Variants in IRAK1BP1 observed in about 807,000 individuals in gnomAD.
IRAK1BP1 encodes interleukin 1 receptor associated kinase 1 binding protein 1, also known as interleukin-1 receptor-associated kinase 1-binding protein 1.
Under a neutral mutation model 28.0 loss-of-function variants are expected in IRAK1BP1, and 24 were observed. That is an observed-to-expected ratio of 0.86 (90% confidence interval 0.62 to 1.20). The LOEUF is 1.20. Ranked by LOEUF, IRAK1BP1 falls within the 50% of genes most tolerant of loss-of-function variation. IRAK1BP1 has a pLI of 0.00. For missense variants in IRAK1BP1, 336 were observed against 316.7 expected, an observed-to-expected ratio of 1.06 and a Z score of -0.46; for synonymous variants, 131 against 116.3, an observed-to-expected ratio of 1.13 and a Z score of -0.81.
intron 1 of IRAK1BP1, among the ~76,000 whole-genome samples, chr6:78,878,242 C>A (rs1225138653): frequency 6.6e-6 from 1 of 152,170 alleles, no homozygotes; most frequent in Non-Finnish European, 1.5e-5. Flanking sequence ...AGGCACCTCC[C>A]AGTAGGGGCC....
At chr6:78,965,121 A>G in the IRAK1BP1 span, among the ~76,000 whole-genome samples, 1 of 152,212 alleles carries the variant, frequency 6.6e-6, no homozygotes, top group African/African-American at 2.4e-5. Flanking sequence ...TATTATCATT[A>G]TTAATTACAA....
At chr6:78,878,293 C>T (rs192284189) in intron 1 of IRAK1BP1, among the ~76,000 whole-genome samples, 24 of 152,164 alleles carry the variant, frequency 1.6e-4, no homozygotes, top group Admixed American at 3.3e-4. Flanking sequence ...CCATCTGAGA[C>T]GAAGCTTCCA....
Position 78,885,407 on chromosome 6 carries a change from T to C in IRAK1BP1, c.345T>C (p.Phe115=), listed in dbSNP as rs371490324. 1.0e-5 allele frequency: 16 copies of C among 1,584,248 alleles called. No individual in the cohort carries two copies. Among genetic ancestry groups the C allele is most frequent in the Admixed American group, 7.0e-5 (4 of 57,036 alleles). The change falls in exon 2 of 4, where the codon TTT becomes TTC. Residue 115 remains phenylalanine (F), a synonymous_variant. Coordinates refer to ENST00000369940, the MANE Select transcript of IRAK1BP1 (RefSeq NM_001010844.4). ...QAENITVTKD[F]RRVENAYHME... Reference sequence around the variant, plus strand: ...AAAATATAACTGTGACAAAGGATTTTAGGAGAGTGGAAAATGCTTATCACA... The same window carrying C: ...AAAATATAACTGTGACAAAGGATTTCAGGAGAGTGGAAAATGCTTATCACA...
chr6:78,897,718 A>G lies in IRAK1BP1; in HGVS notation c.382-111A>G, dbSNP rs993497730. The G allele has an allele frequency of 3.0e-5, 23 of 778,750 alleles. 2 individuals are homozygous for G. In the Middle Eastern group the frequency reaches 2.3e-3, roughly 77 times the overall value. 48.2% of individuals were successfully genotyped at this position (778,750 alleles called of 1,614,324 possible). A position where few individuals can be genotyped will look rare whatever the true frequency, so the allele number is the denominator to read the frequency against. Reference sequence around the variant, plus strand: ...AAATAGGCTTTTAAAAATCTGTTACATACTATAAAATGACCTCATAGTCTG... The same window carrying G: ...AAATAGGCTTTTAAAAATCTGTTACGTACTATAAAATGACCTCATAGTCTG... On this transcript the variant is annotated intron_variant, in intron 2 of 3. Coordinates refer to ENST00000369940, the MANE Select transcript of IRAK1BP1 (RefSeq NM_001010844.4).
chr6:78,943,990 T>TCAAA (rs1491455481), intron 4 of IRAK1BP1, among the ~76,000 whole-genome samples: 2 of 78,144 alleles, frequency 2.6e-5, no homozygotes, highest in African/African-American at 5.2e-5. Flanking sequence ...TGTCTTTTTT[T>TCAAA]AAAAAAAAAA....
In IRAK1BP1 at chr6:78,899,838, T is replaced by C. The variant is rs1433964319; in HGVS notation, c.*1504T>C. On this transcript the variant is annotated 3_prime_UTR_variant, in exon 4 of 4. Coordinates refer to ENST00000369940, the MANE Select transcript of IRAK1BP1 (RefSeq NM_001010844.4). ...TTAACCAAATATATCAAAAATATTA[T>C]TTCAGCATGTAATCAGTATTTTTTA... 1.3e-5 allele frequency: 2 copies of C among 152,258 alleles called. No individual in the cohort carries two copies. Among genetic ancestry groups the C allele is most frequent in the Non-Finnish European group, 2.9e-5 (2 of 68,042 alleles). 9.4% of individuals were successfully genotyped at this position (152,258 alleles called of 1,614,324 possible).
rs1773800809 is a variant in IRAK1BP1 at position 78,946,138 on chromosome 6, G to A, written c.*798G>A. 1 of 1,614,108 alleles carries A rather than the reference G, an allele frequency of 6.2e-7. No individual in the cohort carries two copies. Among genetic ancestry groups the A allele is most frequent in the Non-Finnish European group, 8.5e-7 (1 of 1,179,966 alleles). Reference sequence around the variant, plus strand: ...GGTTCGAACCACAGAACTAGATTCTGTTTTACCGTTTATCTGAGCAGCATT... The same window carrying A: ...GGTTCGAACCACAGAACTAGATTCTATTTTACCGTTTATCTGAGCAGCATT... On this transcript the variant is annotated 3_prime_UTR_variant and NMD_transcript_variant, in exon 5 of 5. Transcript: ENST00000606868.
At chr6:78,974,738 C>G in the IRAK1BP1 span, among the ~76,000 whole-genome samples, 7 of 152,116 alleles carry the variant, frequency 4.6e-5, no homozygotes, top group Middle Eastern at 3.4e-3. Context: ...GAGAATACTA[C>G]AAACACTTCT....
the IRAK1BP1 span, among the ~76,000 whole-genome samples, chr6:78,974,989 T>C: frequency 6.0e-5 from 9 of 151,254 alleles, no homozygotes; most frequent in Admixed American, 2.6e-4. Context: ...TTCCAATCAA[T>C]AGAAAAAGAG....
chr6:78,904,046 C>T (rs1354832), downstream of IRAK1BP1, among the ~76,000 whole-genome samples: 68,313 of 151,948 alleles, frequency 0.45, 16,031 homozygotes, highest in East Asian at 0.69. Context: ...TGTGAGGTAT[C>T]GTGCTTTATT....
At chr6:78,872,113 C>T (rs1330088165) in intron 1 of IRAK1BP1, 1 of 701,406 alleles carries the variant, frequency 1.4e-6, no homozygotes. Context: ...CATCTTCACC[C>T]CTTGGGGTCG....
chr6:78,888,795 A>C (rs1771519081), intron 2 of IRAK1BP1, among the ~76,000 whole-genome samples: 1 of 152,192 alleles, frequency 6.6e-6, no homozygotes, highest in South Asian at 2.1e-4. Context: ...GACATGAGCC[A>C]CCTAGCCTGG....
intron 4 of IRAK1BP1, among the ~76,000 whole-genome samples, chr6:78,922,509 A>T (rs1251999090): frequency 2.0e-5 from 3 of 152,346 alleles, no homozygotes; most frequent in East Asian, 1.9e-4. Flanking sequence ...GCAGGATATT[A>T]TCCAGGAGAA....
intron 1 of IRAK1BP1, among the ~76,000 whole-genome samples, chr6:78,875,404 C>T (rs934097260): frequency 2.0e-5 from 3 of 152,068 alleles, no homozygotes; most frequent in African/African-American, 7.2e-5. Flanking sequence ...GTAAATAAAT[C>T]GTTCTACCAA....
chr6:78,946,713 T>G (rs894811599), downstream of IRAK1BP1: 1 of 1,554,030 alleles, frequency 6.4e-7, no homozygotes, highest in Non-Finnish European at 8.6e-7. Context: ...TTAAATACCT[T>G]GATGCAGCAC....
the IRAK1BP1 span, among the ~76,000 whole-genome samples, chr6:78,973,021 A>G: frequency 6.6e-6 from 1 of 152,318 alleles, no homozygotes. Context: ...CAGGAAATAC[A>G]GAGAACGCCA....
intron 1 of IRAK1BP1, among the ~76,000 whole-genome samples, chr6:78,884,798 A>G (rs1237593719): frequency 6.6e-6 from 1 of 152,158 alleles, no homozygotes; most frequent in Non-Finnish European, 1.5e-5. Flanking sequence ...CTGACACTCA[A>G]CATTAAGTAT....
At chr6:78,957,419 C>T in the IRAK1BP1 span, 1 of 151,730 alleles carries the variant, frequency 6.6e-6, no homozygotes, top group Non-Finnish European at 1.5e-5. Flanking sequence ...CAATAGATTT[C>T]TTAGAGAATA....
At chr6:78,947,648 G>T, downstream of IRAK1BP1, 1 of 1,475,940 alleles carries the variant, frequency 6.8e-7, no homozygotes, top group Non-Finnish European at 9.5e-7. Context: ...TGGTGTATAT[G>T]CTTTGGAATT....
Sources: allele counts gnomAD v4.1 joint callset (sites outside exome capture counted in the v4.1 genomes callset), GRCh38; gene constraint gnomAD v4.1.1; transcripts MANE v1.5; gene names NCBI Gene and HGNC (gene_info 2026-07-23, HGNC 2026-07-21).